The following SPAG16 variants were observed in gnomAD, a reference collection of about 807,000 sequenced individuals.
SPAG16 encodes the protein sperm associated antigen 16.
Under a neutral mutation model 80.4 loss-of-function variants are expected in SPAG16, and 86 were observed. The observed-to-expected ratio is 1.07, with a 90% CI of 0.90 to 1.28. SPAG16 has a LOEUF of 1.28. SPAG16 is among the 50% of genes most tolerant of loss of function. SPAG16 has a pLI of 0.00. For missense variants in SPAG16, 870 were observed against 765.3 expected (o/e 1.14, Z -1.61); for synonymous variants, 294 against 265.9 (o/e 1.11, Z -1.03).
At chr2:214,051,321 G>T (rs779920759) in intron 13 of SPAG16, among the ~76,000 whole-genome samples, 12 of 152,132 alleles carry the variant, frequency 7.9e-5, no homozygotes, top group Non-Finnish European at 1.5e-4. Flanking sequence ...TAAACTAAGG[G>T]TAGAAATAAG....
chr2:213,360,715 C>T (rs2065932023), intron 7 of SPAG16, among the ~76,000 whole-genome samples: 1 of 152,070 alleles, frequency 6.6e-6, no homozygotes, highest in Non-Finnish European at 1.5e-5. Flanking sequence ...TGTCATGGAG[C>T]TATAGAATGA....
rs571679819 is a variant in SPAG16, at chr2:213,745,869, T to G, written c.1071-116616T>G. Among the ~76,000 whole-genome samples the G allele has an allele frequency of 3.9e-5, 6 of 152,362 alleles. No homozygotes were observed. In the South Asian group the frequency reaches 1.2e-3, roughly 32 times the overall value. ...AAATGGTGAACTGAGTACATAAAATTTGATGGTACACTTTTAACACAGATT... is the reference window on the plus strand; with the variant it reads ...AAATGGTGAACTGAGTACATAAAATGTGATGGTACACTTTTAACACAGATT... On this transcript the variant is annotated intron_variant, in intron 10 of 15. Coordinates refer to ENST00000331683, the MANE Select transcript of SPAG16 (RefSeq NM_024532.5).
chr2:213,298,451 G>A (rs941102546), intron 3 of SPAG16, among the ~76,000 whole-genome samples: 1 of 152,128 alleles, frequency 6.6e-6, no homozygotes, highest in Admixed American at 6.5e-5. Flanking sequence ...CATCACTAAG[G>A]ATTTTGACAA....
intron 12 of SPAG16, among the ~76,000 whole-genome samples, chr2:213,944,846 T>G (rs538409262): frequency 5.3e-5 from 8 of 151,844 alleles, no homozygotes; most frequent in African/African-American, 1.9e-4. Flanking sequence ...AAAAGAGACA[T>G]GAGATGGCGA....
rs1186727002 is a variant in SPAG16, at chr2:213,705,071, T to G, written c.1071-157414T>G. Among the ~76,000 whole-genome samples the G allele has an allele frequency of 5.9e-5, 9 of 151,862 alleles. No individual in the cohort carries two copies. The South Asian group carries it at 1.7e-3, about 28-fold the overall frequency. The stretch of plus-strand genomic sequence containing the variant: ...ATCGAGACCATCCTGGCTAACATGG[T>G]GAAACCCTGTCCCTACTAAAAAAAA... On this transcript the variant is annotated intron_variant, in intron 10 of 15. Transcript: ENST00000331683.
chr2:213,720,230 A>G (rs935852404), intron 10 of SPAG16, among the ~76,000 whole-genome samples: 1 of 152,036 alleles, frequency 6.6e-6, no homozygotes, highest in Non-Finnish European at 1.5e-5. Flanking sequence ...AGAAATACCT[A>G]ATGTAGATGA....
chr2:213,618,992 A>G (rs75531846), intron 10 of SPAG16, among the ~76,000 whole-genome samples: 7,242 of 152,312 alleles, frequency 0.048, 256 homozygotes, highest in Middle Eastern at 0.11. Flanking sequence ...TTTATTTTAA[A>G]ACAAGTTTTA....
At chr2:214,032,754 A>G (rs1489677324) in intron 13 of SPAG16, among the ~76,000 whole-genome samples, 1 of 152,180 alleles carries the variant, frequency 6.6e-6, no homozygotes, top group East Asian at 1.9e-4. Flanking sequence ...TTCTATATTA[A>G]TTTTTGATGT....
chr2:213,832,048 G>A (rs550814355), intron 10 of SPAG16, among the ~76,000 whole-genome samples: 7 of 152,024 alleles, frequency 4.6e-5, no homozygotes, highest in Admixed American at 4.6e-4. Flanking sequence ...CCAGGATGGA[G>A]TGCAGTGGCA....
chr2:213,776,633 G>GTT (rs373640006), intron 10 of SPAG16, among the ~76,000 whole-genome samples: 1 of 151,336 alleles, frequency 6.6e-6, no homozygotes, highest in Admixed American at 6.6e-5. Flanking sequence ...ATTTTAAAAA[G>GTT]TTTTTTTTTC....
chr2:213,368,942 T>C (rs911008216), intron 8 of SPAG16, among the ~76,000 whole-genome samples: 1 of 152,204 alleles, frequency 6.6e-6, no homozygotes, highest in African/African-American at 2.4e-5. Flanking sequence ...GAACATTCCA[T>C]GCTCATGGAT....
At chr2:213,739,415 T>C (rs1031842294) in intron 10 of SPAG16, among the ~76,000 whole-genome samples, 4 of 152,242 alleles carry the variant, frequency 2.6e-5, no homozygotes, top group African/African-American at 4.8e-5. Flanking sequence ...AAAAGTTCTT[T>C]CTTCCCTAAG....
At chr2:214,005,626 C>G (rs1423869819) in intron 12 of SPAG16, among the ~76,000 whole-genome samples, 1 of 152,046 alleles carries the variant, frequency 6.6e-6, no homozygotes, top group African/African-American at 2.4e-5. Context: ...TTAGATCTCA[C>G]GTCTCCACTG....
intron 10 of SPAG16, among the ~76,000 whole-genome samples, chr2:213,769,980 A>G (rs1403907123): frequency 6.6e-6 from 1 of 152,224 alleles, no homozygotes; most frequent in East Asian, 1.9e-4. Context: ...CTAAAACTTC[A>G]TATAAATAGA....
intron 8 of SPAG16, among the ~76,000 whole-genome samples, chr2:213,368,327 T>A (rs374998502): frequency 1.3e-5 from 2 of 152,186 alleles, no homozygotes; most frequent in African/African-American, 4.8e-5. Context: ...CTGTGAAGAA[T>A]GTCATTGGTA....
rs184373255 is a variant in SPAG16, at chr2:213,303,945, T to C, written c.280-6114T>C. Among the ~76,000 whole-genome samples the C allele has an allele frequency of 3.4e-4, 52 of 152,298 alleles. 1 individual carries two copies. Among genetic ancestry groups the C allele is most frequent in the South Asian group, 2.7e-3 (13 of 4,830 alleles). On this transcript the variant is annotated intron_variant, in intron 3 of 15. Coordinates refer to ENST00000331683, the MANE Select transcript of SPAG16 (RefSeq NM_024532.5). ...TAAATAACTCTTACTTTTAGTTTTT[T>C]TGGGGAACATCTAACCTGTTCTTTA...
At chr2:214,039,682 T>C (rs1485214871) in intron 13 of SPAG16, among the ~76,000 whole-genome samples, 7 of 152,258 alleles carry the variant, frequency 4.6e-5, no homozygotes, top group Admixed American at 4.6e-4. Context: ...ACCACTTAAC[T>C]GGCTATAAAA....
intron 9 of SPAG16, among the ~76,000 whole-genome samples, chr2:213,448,649 C>G (rs2071498410): frequency 6.6e-6 from 1 of 152,130 alleles, no homozygotes; most frequent in South Asian, 2.1e-4. Flanking sequence ...GAGGGACGGG[C>G]TGGAGCCATG....
At chr2:213,603,624 T>C (rs2061146306) in intron 10 of SPAG16, among the ~76,000 whole-genome samples, 1 of 152,264 alleles carries the variant, frequency 6.6e-6, no homozygotes, top group Non-Finnish European at 1.5e-5. Context: ...TGTTTTAATT[T>C]GTTTTGGGAA....
Sources: gnomAD v4.1 joint callset for allele counts (sites outside exome capture counted in the v4.1 genomes callset) on GRCh38, gnomAD v4.1.1 for gene constraint, MANE v1.5 for transcripts, NCBI Gene and HGNC (gene_info 2026-07-23, HGNC 2026-07-21) for gene names.